The following TENM2 variants were observed in gnomAD, a reference collection of about 807,000 sequenced individuals.
TENM2 encodes teneurin transmembrane protein 2.
TENM2 carries 52 observed loss-of-function variants against 245.2 expected under a neutral mutation model. The ratio of observed to expected loss-of-function variants is 0.21; its 90% confidence interval spans 0.17 to 0.27. The LOEUF (loss-of-function observed/expected upper bound fraction) is 0.27. TENM2 is among the 10% of genes least tolerant of loss of function. The pLI is 1.00. For missense variants in TENM2, 3,046 were observed against 3,666.8 expected (o/e 0.83, Z 4.37); for synonymous variants, 1,363 against 1,438.9 (o/e 0.95, Z 1.19).
chr5:167,468,655 G>A (rs918428299), intron 2 of TENM2, among the ~76,000 whole-genome samples: 2 of 152,180 alleles, frequency 1.3e-5, no homozygotes, highest in South Asian at 4.1e-4. Flanking sequence ...AAAATTTATA[G>A]CAATTCTCTT....
intron 7 of TENM2, among the ~76,000 whole-genome samples, chr5:168,071,449 T>C (rs1791007609): frequency 6.6e-6 from 1 of 152,228 alleles, no homozygotes; most frequent in South Asian, 2.1e-4. Flanking sequence ...TTTTCCAGAC[T>C]GTTTTCTGTT....
intron 2 of TENM2, among the ~76,000 whole-genome samples, chr5:167,490,155 C>G (rs1301542308): frequency 2.6e-5 from 4 of 152,108 alleles, no homozygotes; most frequent in Admixed American, 6.5e-5. Flanking sequence ...TTTTCTCAAC[C>G]ACCGCAGTTA....
intron 4 of TENM2, among the ~76,000 whole-genome samples, chr5:167,966,791 A>G (rs1781416834): frequency 6.6e-6 from 1 of 152,170 alleles, no homozygotes; most frequent in Non-Finnish European, 1.5e-5. Flanking sequence ...TTGTTTTTTA[A>G]TGTTTTCAAG....
chr5:167,392,794 T>C (rs1422521), intron 2 of TENM2, among the ~76,000 whole-genome samples: 50,870 of 152,078 alleles, frequency 0.33, 8,968 homozygotes, highest in African/African-American at 0.46. Context: ...AAACTTTTAT[T>C]GTACTCAGAA....
intron 9 of TENM2, among the ~76,000 whole-genome samples, chr5:168,112,616 G>GGGGGC: frequency 9.8e-6 from 1 of 102,358 alleles, no homozygotes; most frequent in Non-Finnish European, 2.0e-5. Flanking sequence ...CGGGGGGGGG[G>GGGGGC]TCAAACTTTA....
chr5:167,180,060 C>G, the TENM2 span, among the ~76,000 whole-genome samples: 1 of 151,372 alleles, frequency 6.6e-6, no homozygotes, highest in African/African-American at 2.4e-5. Context: ...CTGTGTCCTC[C>G]CACCTTCCGT....
At chr5:168,103,595 T>C (rs1793996990) in intron 9 of TENM2, among the ~76,000 whole-genome samples, 1 of 152,162 alleles carries the variant, frequency 6.6e-6, no homozygotes. Flanking sequence ...GGTGATTGGA[T>C]TGACGTTATG....
the TENM2 span, among the ~76,000 whole-genome samples, chr5:167,257,417 T>G: frequency 9.5e-3 from 1,453 of 152,260 alleles, 28 homozygotes; most frequent in Non-Finnish European, 9.3e-3. Flanking sequence ...GTTTTATAAA[T>G]GATACTTCAA....
chr5:167,907,215 A>G (rs957893028), intron 3 of TENM2, among the ~76,000 whole-genome samples: 8 of 151,068 alleles, frequency 5.3e-5, no homozygotes, highest in Non-Finnish European at 1.2e-4. Flanking sequence ...CTGTGCAAAA[A>G]GAGTGAAACT....
intron 2 of TENM2, among the ~76,000 whole-genome samples, chr5:167,619,345 A>G (rs1462385731): frequency 6.6e-6 from 1 of 152,148 alleles, no homozygotes; most frequent in Non-Finnish European, 1.5e-5. Context: ...TACCAAGTGC[A>G]CCAGGTTCCA....
At chr5:167,235,194 A>G in the TENM2 span, among the ~76,000 whole-genome samples, 1 of 152,112 alleles carries the variant, frequency 6.6e-6, no homozygotes, top group South Asian at 2.1e-4. Flanking sequence ...TCTGTGTTCT[A>G]ATCTCCTTTT....
intron 13 of TENM2, among the ~76,000 whole-genome samples, chr5:168,182,319 G>A (rs565565913): frequency 1.6e-4 from 24 of 152,244 alleles, no homozygotes; most frequent in East Asian, 7.7e-4. Context: ...CCTTTCTCTC[G>A]TGGAGAGCAG....
At chr5:167,429,694 C>T (rs1266024232) in intron 2 of TENM2, among the ~76,000 whole-genome samples, 1 of 150,856 alleles carries the variant, frequency 6.6e-6, no homozygotes, top group East Asian at 2.0e-4. Context: ...GCAACCTCCG[C>T]CTCCCAGGTT....
chr5:166,985,263 T>A, the TENM2 span, among the ~76,000 whole-genome samples: 1 of 152,106 alleles, frequency 6.6e-6, no homozygotes, highest in Admixed American at 6.5e-5. Flanking sequence ...GAGACCTAAG[T>A]CAAGGTTTGG....
At chr5:168,018,378 CT>C (rs60778530) in intron 5 of TENM2, among the ~76,000 whole-genome samples, 9,417 of 143,018 alleles carry the variant, frequency 0.066, 350 homozygotes, top group South Asian at 0.12. Context: ...GTTGTGAGCT[CT>C]TTTTTTTTTT....
At chr5:167,382,941 A>C (rs1761178055) in intron 2 of TENM2, among the ~76,000 whole-genome samples, 1 of 138,946 alleles carries the variant, frequency 7.2e-6, no homozygotes, top group African/African-American at 2.9e-5. Flanking sequence ...CAAATATATA[A>C]AACTATGTGT....
chr5:168,227,501 A>T (rs1236389784), intron 24 of TENM2, among the ~76,000 whole-genome samples: 2 of 145,316 alleles, frequency 1.4e-5, no homozygotes, highest in Non-Finnish European at 3.0e-5. Flanking sequence ...AGGAAAACTG[A>T]AGTCATTTGC....
At chr5:168,182,559 A>G (rs1760006767) in intron 13 of TENM2, among the ~76,000 whole-genome samples, 1 of 152,182 alleles carries the variant, frequency 6.6e-6, no homozygotes, top group African/African-American at 2.4e-5. Flanking sequence ...AAGCCAGACC[A>G]TTCTAATTCT....
At position 167,806,470 on chromosome 5, in the gene TENM2, T is replaced by C. The variant is rs561739188; in HGVS notation, c.503-69516T>C. 2.0e-5 allele frequency among the ~76,000 whole-genome samples: 3 copies of C among 152,234 alleles called. No homozygotes were observed. The South Asian group carries it at 6.2e-4, about 32-fold the overall frequency. On this transcript the variant is annotated intron_variant, in intron 2 of 28. Transcript: ENST00000518659. Reference sequence around the variant, plus strand: ...TTCAGACATGTTAGATTTCAGGGACTCAAGTAATATCACAGTACCCTTCTC... The same window carrying C: ...TTCAGACATGTTAGATTTCAGGGACCCAAGTAATATCACAGTACCCTTCTC...
Sources: gnomAD v4.1 joint callset for allele counts (sites outside exome capture counted in the v4.1 genomes callset) on GRCh38, gnomAD v4.1.1 for gene constraint, MANE v1.5 for transcripts, NCBI Gene and HGNC (gene_info 2026-07-23, HGNC 2026-07-21) for gene names.